Variants in PTPRM observed in about 807,000 individuals in gnomAD.
PTPRM encodes the protein receptor-type tyrosine-protein phosphatase mu.
Under a neutral mutation model 186.7 loss-of-function variants are expected in PTPRM, and 47 were observed. The observed-to-expected ratio is 0.25, with a 90% CI of 0.20 to 0.32. The LOEUF (loss-of-function observed/expected upper bound fraction) is 0.32. PTPRM is among the 10% of genes least tolerant of loss of function. The pLI, the probability that PTPRM is intolerant of heterozygous loss-of-function variation, is 1.00. For synonymous variants in PTPRM, 668 were observed against 674.9 expected (o/e 0.99, Z 0.16); for missense variants, 1,494 against 1,865.0 (o/e 0.80, Z 3.66).
At chr18:7,614,958 G>C (rs756361404) in intron 1 of PTPRM, among the ~76,000 whole-genome samples, 1 of 152,160 alleles carries the variant, frequency 6.6e-6, no homozygotes, top group South Asian at 2.1e-4. Context: ...GTTTGGAGTT[G>C]AGAATTAAAC....
intron 11 of PTPRM, among the ~76,000 whole-genome samples, chr18:8,095,162 G>T (rs1225576024): frequency 6.6e-6 from 1 of 152,094 alleles, no homozygotes; most frequent in African/African-American, 2.4e-5. Context: ...GAGCAACATG[G>T]AATCTAGTGT....
At chr18:7,705,557 T>C (rs888427310) in intron 1 of PTPRM, among the ~76,000 whole-genome samples, 2 of 152,156 alleles carry the variant, frequency 1.3e-5, no homozygotes, top group African/African-American at 4.8e-5. Flanking sequence ...CTCAAACCAG[T>C]GTAATTGTTA....
At chr18:7,855,049 C>T (rs966523770) in intron 2 of PTPRM, among the ~76,000 whole-genome samples, 7 of 152,006 alleles carry the variant, frequency 4.6e-5, no homozygotes, top group African/African-American at 4.8e-5. Context: ...GAGAATTTAC[C>T]GCTCTATTTA....
chr18:7,631,521 A>G (rs1293280892), intron 1 of PTPRM, among the ~76,000 whole-genome samples: 1 of 150,672 alleles, frequency 6.6e-6, no homozygotes, highest in Non-Finnish European at 1.5e-5. Flanking sequence ...CTTGAGGATT[A>G]AAGAGTCCAA....
intron 14 of PTPRM, among the ~76,000 whole-genome samples, chr18:8,202,614 T>C (rs2093873431): frequency 1.3e-5 from 2 of 151,876 alleles, no homozygotes; most frequent in Admixed American, 1.3e-4. Flanking sequence ...TGGTAAGAAA[T>C]TGGCAGGTTT....
intron 14 of PTPRM, among the ~76,000 whole-genome samples, chr18:8,193,852 C>T (rs921611862): frequency 2.6e-5 from 4 of 152,254 alleles, no homozygotes; most frequent in Non-Finnish European, 5.9e-5. Flanking sequence ...GAACCTTGGC[C>T]TGTCTTCTTA....
chr18:8,183,052 C>T (rs1204244583), intron 14 of PTPRM, among the ~76,000 whole-genome samples: 1 of 152,318 alleles, frequency 6.6e-6, no homozygotes, highest in East Asian at 1.9e-4. Flanking sequence ...GACTCAGCTA[C>T]AGTTAAGGTT....
At chr18:7,974,059 G>T (rs1599804369) in intron 7 of PTPRM, among the ~76,000 whole-genome samples, 1 of 152,164 alleles carries the variant, frequency 6.6e-6, no homozygotes, top group East Asian at 1.9e-4. Flanking sequence ...GAGGAGAATG[G>T]TCCATTCTCA....
At chr18:8,203,790 A>G (rs111879816) in intron 14 of PTPRM, among the ~76,000 whole-genome samples, 7,007 of 152,284 alleles carry the variant, frequency 0.046, 225 homozygotes, top group Middle Eastern at 0.071. Context: ...AGAAGTTGCA[A>G]AGATTCATTT....
intron 1 of PTPRM, among the ~76,000 whole-genome samples, chr18:7,634,818 CAATT>C (rs1420639875): frequency 1.3e-5 from 2 of 152,118 alleles, no homozygotes; most frequent in Non-Finnish European, 2.9e-5. Flanking sequence ...CAAATGATCT[CAATT>C]AGTGTAGAAA....
chr18:8,086,659 G>T (rs535923201), intron 10 of PTPRM, among the ~76,000 whole-genome samples: 19 of 152,224 alleles, frequency 1.2e-4, no homozygotes, highest in African/African-American at 4.3e-4. Flanking sequence ...CCATGGTTAG[G>T]TCAATAATAT....
intron 2 of PTPRM, among the ~76,000 whole-genome samples, chr18:7,847,444 G>A (rs558380641): frequency 1.8e-4 from 28 of 152,222 alleles, no homozygotes; most frequent in Admixed American, 1.8e-3. Flanking sequence ...TGGGATTACA[G>A]GTGTGAGCCC....
intron 23 of PTPRM, among the ~76,000 whole-genome samples, chr18:8,352,653 G>GTT (rs1355276752): frequency 1.6e-5 from 2 of 121,352 alleles, no homozygotes; most frequent in East Asian, 2.3e-4. Context: ...TTTTGGTTTG[G>GTT]TTTTTTTTGT....
chr18:8,040,433 G>A (rs542129359), intron 7 of PTPRM, among the ~76,000 whole-genome samples: 184 of 152,228 alleles, frequency 1.2e-3, no homozygotes, highest in African/African-American at 3.8e-3. Context: ...GTGTCAAATC[G>A]AAGCTGATTT....
intron 2 of PTPRM, among the ~76,000 whole-genome samples, chr18:7,859,899 T>G (rs183719742): frequency 1.3e-5 from 2 of 151,974 alleles, no homozygotes; most frequent in Admixed American, 1.3e-4. Flanking sequence ...CTCACAACCA[T>G]TTACATGGAA....
At chr18:7,796,305 C>A (rs144408426) in intron 2 of PTPRM, among the ~76,000 whole-genome samples, 350 of 152,256 alleles carry the variant, frequency 2.3e-3, no homozygotes, top group African/African-American at 7.9e-3. Context: ...GGCTGCAGAT[C>A]ACAGTACAGA....
chr18:7,671,831 C>T (rs547754433), intron 1 of PTPRM, among the ~76,000 whole-genome samples: 103 of 152,166 alleles, frequency 6.8e-4, no homozygotes, highest in Admixed American at 1.9e-3. Context: ...TATATGGTAA[C>T]CTCTTTTTTG....
At chr18:8,222,609 G>C (rs945069102) in intron 14 of PTPRM, among the ~76,000 whole-genome samples, 1 of 152,204 alleles carries the variant, frequency 6.6e-6, no homozygotes, top group African/African-American at 2.4e-5. Context: ...AATGGAGGTA[G>C]AAGGAGGTAA....
chr18:7,729,528 G>GAA lies in PTPRM; in HGVS notation c.74-44613_74-44612dup, dbSNP rs57829380. On this transcript the variant is annotated intron_variant, in intron 1 of 32. Transcript: ENST00000580170. ...ATAGCATTTATTTTATAATAAGGCT[G>GAA]AAAAAAAAACAGTACAAAAGACTTA... 4.0e-5 allele frequency among the ~76,000 whole-genome samples: 6 copies of GAA among 149,462 alleles called. No homozygotes were observed. The East Asian group carries it at 5.9e-4, about 15-fold the overall frequency.
Sources: gnomAD v4.1 joint callset for allele counts (sites outside exome capture counted in the v4.1 genomes callset) on GRCh38, gnomAD v4.1.1 for gene constraint, MANE v1.5 for transcripts, NCBI Gene and HGNC (gene_info 2026-07-23, HGNC 2026-07-21) for gene names.